Variants in VRK3 observed in about 807,000 individuals in gnomAD.
VRK3 encodes serine/threonine-protein kinase VRK3.
VRK3 carries 50 observed loss-of-function variants against 60.4 expected under a neutral mutation model. The observed-to-expected ratio is 0.83, with a 90% confidence interval of 0.66 to 1.05. The LOEUF (loss-of-function observed/expected upper bound fraction) is 1.05, where lower values mean the gene tolerates loss of function less well. Among genes scored for constraint, VRK3 ranks in the 50% least tolerant of loss-of-function variants. The pLI is 0.00. For synonymous variants in VRK3, 246 were observed against 227.8 expected (o/e 1.08, Z -0.72); for missense variants, 549 against 585.3 (o/e 0.94, Z 0.64).
At position 50,016,099 on chromosome 19, in the gene VRK3, A is replaced by T; in HGVS notation, c.64T>A (p.Cys22Ser). 1 of 1,614,232 alleles carries T rather than the reference A, an allele frequency of 6.2e-7. No homozygotes were observed. Among genetic ancestry groups the T allele is most frequent in the South Asian group, 1.1e-5 (1 of 91,080 alleles). Residue 22 changes from cysteine to serine, a missense_variant, in exon 3 of 15, where the codon TGT becomes AGT. By Grantham distance (112) the Cys-to-Ser change is moderately radical (BLOSUM62 -1). Coordinates refer to ENST00000316763, the MANE Select transcript of VRK3 (RefSeq NM_016440.4). ...TCCTCTACAGGCAAAGAATTTCCAC[A>T]GTAGGGGCAGAATTTGAATGCCGCT... The part of the protein sequence containing the change: ...IQAAFKFCPY[C>S]GNSLPVEEHV...
intron 1 of VRK3, among the ~76,000 whole-genome samples, chr19:50,022,130 G>A (rs1044463803): frequency 7.9e-5 from 12 of 152,318 alleles, no homozygotes; most frequent in African/African-American, 2.6e-4. Flanking sequence ...AAACAGTGGG[G>A]ACGCAGCTGA....
At chr19:50,019,674 CTTTTTTTTTTTTTTTTTTTTTTTTTT>C (rs568877003) in intron 2 of VRK3, among the ~76,000 whole-genome samples, 13 of 45,018 alleles carry the variant, frequency 2.9e-4, no homozygotes, top group Admixed American at 3.9e-4. Context: ...CATGCCTGGC[CTTTTTTTTTTTTTTTTTTTTTTTTTT>C]TTTTTTTTTT....
At chr19:50,015,350 C>T (rs1023764139) in intron 3 of VRK3, among the ~76,000 whole-genome samples, 3 of 152,044 alleles carry the variant, frequency 2.0e-5, no homozygotes, top group Non-Finnish European at 4.4e-5. Context: ...ACTCTGTTGC[C>T]CAAGCTGCAG....
chr19:50,012,591 CAGG>C (rs2077012615), intron 3 of VRK3, among the ~76,000 whole-genome samples: 1 of 152,106 alleles, frequency 6.6e-6, no homozygotes, highest in Non-Finnish European at 1.5e-5. Flanking sequence ...TTAGGAAAGG[CAGG>C]GGTTGGGTTA....
At chr19:49,983,988 ATGC>A (rs2076469903) in intron 12 of VRK3, among the ~76,000 whole-genome samples, 1 of 152,154 alleles carries the variant, frequency 6.6e-6, no homozygotes, top group Non-Finnish European at 1.5e-5. Flanking sequence ...ACTGTTATCC[ATGC>A]TGCTATCATT....
At chr19:49,976,938 T>C (rs1247873449) in intron 14 of VRK3, among the ~76,000 whole-genome samples, 154 bp from the exon 15 acceptor site, 1 of 152,158 alleles carries the variant, frequency 6.6e-6, no homozygotes, top group East Asian at 1.9e-4. Flanking sequence ...GAGCCCCTGC[T>C]GGGCTTAGGA....
chr19:50,015,763 T>A (rs2077065284), intron 3 of VRK3: 1 of 477,722 alleles, frequency 2.1e-6, no homozygotes, highest in Admixed American at 3.3e-5. Flanking sequence ...GCTGCACATA[T>A]ATCTCCTCCA....
intron 13 of VRK3, among the ~76,000 whole-genome samples, chr19:49,980,344 G>A (rs746285073): frequency 1.6e-4 from 24 of 152,132 alleles, no homozygotes; most frequent in Non-Finnish European, 2.6e-4. Flanking sequence ...TATAAGGAAG[G>A]GCATGAAGGA....
chr19:50,015,018 G>A (rs1037744604), intron 3 of VRK3, among the ~76,000 whole-genome samples: 7 of 152,056 alleles, frequency 4.6e-5, no homozygotes, highest in African/African-American at 1.7e-4. Context: ...TTGCTGAAGG[G>A]GTGGGTGTGT....
intron 1 of VRK3, among the ~76,000 whole-genome samples, chr19:50,022,697 G>C (rs1238786774): frequency 1.3e-5 from 2 of 152,170 alleles, no homozygotes; most frequent in Non-Finnish European, 2.9e-5. Flanking sequence ...GGGAGGCTGA[G>C]GCGCAAGAGT....
chr19:50,010,006 C>T (rs940909730), intron 3 of VRK3, among the ~76,000 whole-genome samples: 1 of 151,928 alleles, frequency 6.6e-6, no homozygotes, highest in Non-Finnish European at 1.5e-5. Flanking sequence ...GTCTAGTCTG[C>T]TGTTTAAACC....
At chr19:50,023,812 A>G (rs1196663761) in intron 1 of VRK3, among the ~76,000 whole-genome samples, 1 of 152,306 alleles carries the variant, frequency 6.6e-6, no homozygotes, top group Non-Finnish European at 1.5e-5. Flanking sequence ...AGAGACTCAA[A>G]GCTCAGGGCC....
chr19:50,009,142 T>G, intron 4 of VRK3, 94 bp downstream of exon 4: 1 of 1,435,576 alleles, frequency 7.0e-7, no homozygotes, highest in Non-Finnish European at 9.5e-7. Context: ...GGATGATGTT[T>G]GAGCCGGGGC....
At chr19:50,006,436 T>C (rs1162796486) in intron 5 of VRK3, among the ~76,000 whole-genome samples, 1 of 151,774 alleles carries the variant, frequency 6.6e-6, no homozygotes, top group Non-Finnish European at 1.5e-5. Flanking sequence ...AGTGCAGTGG[T>C]GCAACCTCGG....
At chr19:50,007,419 G>A in intron 5 of VRK3, 150 bp downstream of exon 5, 2 of 1,185,758 alleles carry the variant, frequency 1.7e-6, no homozygotes, top group Non-Finnish European at 2.4e-6. Flanking sequence ...AGGTGGGTAG[G>A]TATAGAGTCC....
intron 14 of VRK3, among the ~76,000 whole-genome samples, chr19:49,977,239 G>A (rs896379769): frequency 4.6e-5 from 7 of 152,050 alleles, no homozygotes; most frequent in East Asian, 1.9e-4. Flanking sequence ...CATCGTGCAC[G>A]GGGGAGGAAG....
intron 2 of VRK3, 151 bp from the exon 3 acceptor site, chr19:50,016,314 A>C (rs1184842283): frequency 9.8e-7 from 1 of 1,019,392 alleles, no homozygotes; most frequent in African/African-American, 1.6e-5. Context: ...AAAACATGCA[A>C]TGGGAATGGG....
intron 2 of VRK3, among the ~76,000 whole-genome samples, chr19:50,017,815 AACTG>A (rs997840528): frequency 6.6e-6 from 1 of 151,958 alleles, no homozygotes; most frequent in Non-Finnish European, 1.5e-5. Flanking sequence ...GTGCCACCAC[AACTG>A]ACTAATTTTT....
At chr19:50,009,121 C>A in intron 4 of VRK3, 115 bp downstream of exon 4, 1 of 1,267,394 alleles carries the variant, frequency 7.9e-7, no homozygotes, top group Admixed American at 2.0e-5. Context: ...AGTCAGAGTC[C>A]AGGCAGGGAT....
Sources: gnomAD v4.1 joint callset for allele counts (sites outside exome capture counted in the v4.1 genomes callset) on GRCh38, gnomAD v4.1.1 for gene constraint, MANE v1.5 for transcripts, NCBI Gene and HGNC (gene_info 2026-07-23, HGNC 2026-07-21) for gene names.